The following ZNF503 variants were observed in gnomAD, a reference collection of about 807,000 sequenced individuals.
The protein encoded by ZNF503 is zinc finger protein 503.
Under a neutral mutation model 34.4 loss-of-function variants are expected in ZNF503, and 15 were observed. The ratio of observed to expected loss-of-function variants is 0.44; its 90% CI spans 0.29 to 0.67. ZNF503 has a LOEUF of 0.67. ZNF503 is among the 30% of genes least tolerant of loss of function. The pLI is 0.13. For missense variants in ZNF503, 1,007 were observed against 926.8 expected, an observed-to-expected ratio of 1.09 and a Z score of -1.12; for synonymous variants, 580 against 456.8, an observed-to-expected ratio of 1.27 and a Z score of -3.44.
chr10:75,292,609 G>A, the ZNF503 span, among the ~76,000 whole-genome samples: 10 of 152,294 alleles, frequency 6.6e-5, no homozygotes, highest in Admixed American at 4.6e-4. Flanking sequence ...TGATTGGTCC[G>A]ACATGGTTCA....
chr10:75,285,420 T>A, the ZNF503 span, among the ~76,000 whole-genome samples: 1 of 152,232 alleles, frequency 6.6e-6, no homozygotes, highest in Non-Finnish European at 1.5e-5. Context: ...GCAGATGCCC[T>A]CCTAGACAGA....
chr10:75,318,009 A>ATACGTACG, the ZNF503 span, among the ~76,000 whole-genome samples: 1 of 151,920 alleles, frequency 6.6e-6, no homozygotes, highest in Admixed American at 6.5e-5. Context: ...AAATACATAC[A>ATACGTACG]TACATACATA....
the ZNF503 span, among the ~76,000 whole-genome samples, chr10:75,326,712 C>T: frequency 3.0e-4 from 44 of 149,050 alleles, no homozygotes; most frequent in South Asian, 4.2e-4. Flanking sequence ...ATTTTTTTTT[C>T]AGACAAAGTC....
At chr10:75,287,838 T>G in the ZNF503 span, among the ~76,000 whole-genome samples, 1 of 152,184 alleles carries the variant, frequency 6.6e-6, no homozygotes, top group African/African-American at 2.4e-5. Context: ...TGAGTCTAGT[T>G]GCAAATTCCT....
the ZNF503 span, among the ~76,000 whole-genome samples, chr10:75,392,019 G>T: frequency 6.6e-6 from 1 of 152,176 alleles, no homozygotes; most frequent in African/African-American, 2.4e-5. Flanking sequence ...GGTCACACTT[G>T]GCCTGAGATC....
chr10:75,375,823 T>C, the ZNF503 span, among the ~76,000 whole-genome samples: 1 of 152,076 alleles, frequency 6.6e-6, no homozygotes, highest in Non-Finnish European at 1.5e-5. Flanking sequence ...GCGGAACCCA[T>C]TTTTCAAGGT....
the ZNF503 span, among the ~76,000 whole-genome samples, chr10:75,374,940 G>C: frequency 6.6e-6 from 1 of 152,142 alleles, no homozygotes; most frequent in African/African-American, 2.4e-5. Context: ...GCAGTACCTA[G>C]GATCTCTCCT....
the ZNF503 span, among the ~76,000 whole-genome samples, chr10:75,386,518 A>G: frequency 6.6e-6 from 1 of 152,008 alleles, no homozygotes; most frequent in Non-Finnish European, 1.5e-5. Flanking sequence ...CATTCATTCT[A>G]CCTTCTCACT....
the ZNF503 span, among the ~76,000 whole-genome samples, chr10:75,310,735 A>G: frequency 4.6e-4 from 70 of 152,292 alleles, 3 homozygotes; most frequent in African/African-American, 1.4e-3. Context: ...GCCTGTAAAT[A>G]ATGAGGAGCT....
the ZNF503 span, among the ~76,000 whole-genome samples, chr10:75,303,994 T>C: frequency 6.6e-6 from 1 of 151,994 alleles, no homozygotes; most frequent in African/African-American, 2.4e-5. Context: ...CCACCACACC[T>C]GGCTAATTTT....
the ZNF503 span, among the ~76,000 whole-genome samples, chr10:75,389,276 A>C: frequency 6.6e-6 from 1 of 152,188 alleles, no homozygotes; most frequent in East Asian, 1.9e-4. Context: ...ATTCATACTC[A>C]GTGCCCCTCC....
chr10:75,382,473 A>G, the ZNF503 span: 2 of 686,096 alleles, frequency 2.9e-6, no homozygotes, highest in Middle Eastern at 3.0e-4. Flanking sequence ...TGTCCCCAGA[A>G]GGCAGCCTGG....
the ZNF503 span, among the ~76,000 whole-genome samples, chr10:75,313,710 G>A: frequency 6.6e-6 from 1 of 152,192 alleles, no homozygotes; most frequent in Non-Finnish European, 1.5e-5. Context: ...TGGATTCCTG[G>A]GCATGCCCCT....
the ZNF503 span, among the ~76,000 whole-genome samples, chr10:75,322,695 G>A: frequency 5.8e-4 from 88 of 152,100 alleles, no homozygotes; most frequent in African/African-American, 2.0e-3. Flanking sequence ...AAAAAAATTA[G>A]CTGAGCATGG....
downstream of ZNF503, among the ~76,000 whole-genome samples, chr10:75,396,777 G>A (rs573097567): frequency 2.0e-5 from 3 of 152,244 alleles, no homozygotes; most frequent in African/African-American, 7.2e-5. The surrounding 1 kb of genome is among the most constrained non-coding windows in gnomAD (Gnocchi z 4.4). Flanking sequence ...CCAACTAGCC[G>A]GAGGACCTGG....
At chr10:75,361,949 G>A in the ZNF503 span, among the ~76,000 whole-genome samples, 8 of 152,134 alleles carry the variant, frequency 5.3e-5, no homozygotes, top group African/African-American at 1.7e-4. Context: ...TTGGACAACT[G>A]GAATAATCAG....
the ZNF503 span, among the ~76,000 whole-genome samples, chr10:75,348,947 G>A: frequency 1.3e-5 from 2 of 152,030 alleles, no homozygotes; most frequent in African/African-American, 2.4e-5. Flanking sequence ...AGTCGTTAAC[G>A]TTTTGCTATA....
the ZNF503 span, among the ~76,000 whole-genome samples, chr10:75,281,319 T>C: frequency 6.6e-6 from 1 of 151,816 alleles, no homozygotes; most frequent in African/African-American, 2.4e-5. Flanking sequence ...TGAAGAAGAT[T>C]TGGAGAGTAT....
the ZNF503 span, among the ~76,000 whole-genome samples, chr10:75,356,316 A>C: frequency 6.6e-6 from 1 of 152,120 alleles, no homozygotes; most frequent in African/African-American, 2.4e-5. Context: ...TTTCAGGTTC[A>C]CGCCATTCTC....
Sources: allele counts gnomAD v4.1 joint callset (sites outside exome capture counted in the v4.1 genomes callset), GRCh38; gene constraint gnomAD v4.1.1; non-coding constraint Gnocchi (gnomAD v3.1); transcripts MANE v1.5; gene names NCBI Gene and HGNC (gene_info 2026-07-23, HGNC 2026-07-21).